Variants in TRIM62 observed in about 807,000 individuals in gnomAD.
TRIM62 encodes the protein tripartite motif containing 62.
Under a neutral mutation model 44.2 loss-of-function variants are expected in TRIM62, and 39 were observed. The observed-to-expected ratio is 0.88, with a 90% CI of 0.68 to 1.15. The LOEUF is 1.15. Ranked by LOEUF, TRIM62 falls within the 50% of genes most tolerant of loss-of-function variation. The pLI is 0.00. For missense variants in TRIM62, 544 were observed against 665.5 expected (o/e 0.82, Z 2.01); for synonymous variants, 278 against 292.3 (o/e 0.95, Z 0.50).
chr1:33,158,306 G>C lies in TRIM62; in HGVS notation c.824C>G (p.Thr275Arg). Residue 275 changes from threonine to arginine, a missense_variant, in exon 4 of 5, where the codon ACA (threonine) becomes AGA (arginine). Coordinates refer to ENST00000291416, the MANE Select transcript of TRIM62 (RefSeq NM_018207.3). ...CCAGATGGTGTACTGCAGGGGGCCT[G>C]TGTACTTGGAGGTCGGGAAGTCTTC... ...TYEDFPTSKY[T>R]GPLQYTIWKS... 1 of 1,614,028 alleles carries C rather than the reference G, an allele frequency of 6.2e-7. No homozygotes were observed. The highest frequency in any genetic ancestry group is 1.3e-5 in the African/African-American group (1 of 75,060).
intron 4 of TRIM62, among the ~76,000 whole-genome samples, chr1:33,157,573 A>C (rs1408993409): frequency 6.6e-6 from 1 of 152,104 alleles, no homozygotes; most frequent in African/African-American, 2.4e-5. Context: ...CCTAGGATGT[A>C]AGATGCGTGA....
chr1:33,147,453 G>A lies in TRIM62; in HGVS notation c.1152C>T (p.Arg384=), dbSNP rs116317048. 7.5e-4 allele frequency: 1,215 copies of A among 1,613,944 alleles called. 16 individuals are homozygous for A. In the East Asian group the frequency reaches 0.021, roughly 28 times the overall value. Residue 384 remains arginine (R), a synonymous_variant, in exon 5 of 5, where the codon CGC becomes CGT. Transcript: ENST00000291416. This position sits in a 1 kb window ranked among gnomAD's most constrained non-coding sequence, Gnocchi z 8.1. ...CGTGCATCACGATGCAGTAGAAGCCGCGGCTGGGCTGGATCTGGATGCTGC... is the reference window on the plus strand; with the variant it reads ...CGTGCATCACGATGCAGTAGAAGCCACGGCTGGGCTGGATCTGGATGCTGC... ...RKGSIQIQPS[R]GFYCIVMHDG... is the part of the protein sequence containing the mutation.
chr1:33,176,855 A>T (rs778791837), intron 1 of TRIM62, among the ~76,000 whole-genome samples: 8 of 152,212 alleles, frequency 5.3e-5, no homozygotes, highest in Non-Finnish European at 1.2e-4. Context: ...GGGTGCTATG[A>T]AGATTAAATG....
Position 33,145,405 on chromosome 1 carries a change from C to T in TRIM62, c.*1772G>A, listed in dbSNP as rs1222075546. 2 of 161,362 alleles carry T rather than the reference C, an allele frequency of 1.2e-5. No homozygotes were observed. Among genetic ancestry groups the T allele is most frequent in the Non-Finnish European group, 2.7e-5 (2 of 73,354 alleles). The allele number at this position is 161,362 out of a possible 1,614,324, so 10.0% of individuals were successfully genotyped here. On this transcript the variant is annotated 3_prime_UTR_variant, in exon 5 of 5. Transcript: ENST00000291416. ...CAAAATGAATGGAACTGGCTACTGA[C>T]ATCTGTAACTTTAATTTAATACAAA...
chr1:33,147,471 G>A lies in TRIM62; in HGVS notation c.1134C>T (p.Ile378=), dbSNP rs370658831. 4 of 1,613,854 alleles carry A rather than the reference G, an allele frequency of 2.5e-6. No homozygotes were observed. The South Asian group carries it at 3.3e-5, about 13-fold the overall frequency. The change falls in exon 5 of 5, where the codon ATC becomes ATT. Residue 378 remains isoleucine (I), a synonymous_variant. Transcript: ENST00000291416. The surrounding 1 kb of genome is among the most constrained non-coding windows in gnomAD (Gnocchi z 8.1). The part of the protein sequence containing the change: ...AHEAASRKGS[I]QIQPSRGFYC... Reference sequence around the variant, plus strand: ...AGAAGCCGCGGCTGGGCTGGATCTGGATGCTGCCCTTGCGGCTTGCGGCTT... The same window carrying A: ...AGAAGCCGCGGCTGGGCTGGATCTGAATGCTGCCCTTGCGGCTTGCGGCTT...
At position 33,147,761 on chromosome 1, in the gene TRIM62, G is replaced by T. The variant is rs867308816; in HGVS notation, c.878-34C>A. 19 of 1,590,864 alleles carry T rather than the reference G, an allele frequency of 1.2e-5. No individual in the cohort carries two copies. The Middle Eastern group carries it at 6.8e-4, about 57-fold the overall frequency. Reference sequence around the variant, plus strand: ...GTTGGAGGAGGGAGAGAAGATGAGTGGGGAGAAGGCTGTGGACCCACCATG... The same window carrying T: ...GTTGGAGGAGGGAGAGAAGATGAGTTGGGAGAAGGCTGTGGACCCACCATG... On this transcript the variant is annotated intron_variant, in intron 4 of 4. Coordinates refer to ENST00000291416, the MANE Select transcript of TRIM62 (RefSeq NM_018207.3). This position sits in a 1 kb window ranked among gnomAD's most constrained non-coding sequence, Gnocchi z 8.1.
intron 3 of TRIM62, among the ~76,000 whole-genome samples, chr1:33,158,907 C>G (rs963048441): frequency 5.3e-5 from 8 of 151,752 alleles, no homozygotes; most frequent in African/African-American, 1.9e-4. Context: ...ATGGCGCGAT[C>G]TCAGCTCACT....
chr1:33,173,135 C>T (rs587042), intron 1 of TRIM62, among the ~76,000 whole-genome samples: 149,308 of 152,224 alleles, frequency 0.98, 73,273 homozygotes, highest in Middle Eastern at 1. Flanking sequence ...TACCTAGAAC[C>T]GGATGCTCCT....
At position 33,158,312 on chromosome 1, in the gene TRIM62, T is replaced by G; in HGVS notation, c.818A>C (p.Lys273Thr). The change falls in exon 4 of 5, where the codon AAG (lysine) becomes ACG (threonine). Residue 273 changes from lysine to threonine, a missense_variant. Coordinates refer to ENST00000291416, the MANE Select transcript of TRIM62 (RefSeq NM_018207.3). ...GGTGTACTGCAGGGGGCCTGTGTAC[T>G]TGGAGGTCGGGAAGTCTTCATATGT... ...NLTYEDFPTS[K>T]YTGPLQYTIW... 3.7e-6 allele frequency: 6 copies of G among 1,614,040 alleles called. No homozygotes were observed. Among genetic ancestry groups the G allele is most frequent in the Non-Finnish European group, 5.1e-6 (6 of 1,179,936 alleles).
intron 2 of TRIM62, among the ~76,000 whole-genome samples, chr1:33,162,390 C>T (rs1027546464): frequency 1.3e-5 from 2 of 152,224 alleles, no homozygotes; most frequent in African/African-American, 2.4e-5. Flanking sequence ...AGATAACTTT[C>T]CTCTCTTTCA....
chr1:33,162,964 G>A (rs553627788), intron 2 of TRIM62: 1 of 152,252 alleles, frequency 6.6e-6, no homozygotes, highest in East Asian at 1.9e-4. Context: ...TTGCCTCACT[G>A]ATAAGATTGA....
chr1:33,162,415 C>T (rs1645280587), intron 2 of TRIM62, among the ~76,000 whole-genome samples: 1 of 152,204 alleles, frequency 6.6e-6, no homozygotes, highest in African/African-American at 2.4e-5. Context: ...CTTGGATGTT[C>T]CCAGAGCCTT....
chr1:33,174,960 T>TAC lies in TRIM62; in HGVS notation c.408+6064_408+6065insGT, dbSNP rs1557762422. On this transcript the variant is annotated intron_variant, in intron 1 of 4. Transcript: ENST00000291416. ...ATATATGTGTGTATATATATATATATATATATATACACACATATACATATA... is the reference window on the plus strand; with the variant it reads ...ATATATGTGTGTATATATATATATATACATATATATACACACATATACATATA... Among the ~76,000 whole-genome samples the TAC allele has an allele frequency of 3.0e-3, 426 of 140,264 alleles. 5 individuals are homozygous for TAC. The highest frequency in any genetic ancestry group is 0.012 in the African/African-American group (403 of 34,754). The allele number at this position is 140,264 out of a possible 152,430, so 92.0% of individuals were successfully genotyped here.
chr1:33,175,590 A>G (rs1645413058), intron 1 of TRIM62, among the ~76,000 whole-genome samples: 1 of 152,166 alleles, frequency 6.6e-6, no homozygotes, highest in Non-Finnish European at 1.5e-5. Context: ...TCCCTGGGAC[A>G]GTTGGCGTGT....
rs1645317190 is a variant in TRIM62 at position 33,165,360 on chromosome 1, A to G, written c.504+111T>C. Reference sequence around the variant, plus strand: ...ACTCCAGGTTTGGCTCCTTGAAGCCAGGTTTCCACCGCACACCCGAGGCCC... The same window carrying G: ...ACTCCAGGTTTGGCTCCTTGAAGCCGGGTTTCCACCGCACACCCGAGGCCC... On this transcript the variant is annotated intron_variant, in intron 2 of 4. Transcript: ENST00000291416. The surrounding 1 kb of genome is among the most constrained non-coding windows in gnomAD (Gnocchi z 4.0). The G allele has an allele frequency of 9.8e-7, 1 of 1,020,262 alleles. No individual in the cohort carries two copies. The highest frequency in any genetic ancestry group is 1.6e-5 in the African/African-American group (1 of 61,916). The allele number at this position is 1,020,262 out of a possible 1,614,324, so 63.2% of individuals were successfully genotyped here. A position where few individuals can be genotyped will look rare whatever the true frequency, so the allele number is the denominator to read the frequency against.
At chr1:33,154,179 G>C (rs933079279) in intron 4 of TRIM62, among the ~76,000 whole-genome samples, 2 of 152,220 alleles carry the variant, frequency 1.3e-5, no homozygotes, top group Non-Finnish European at 2.9e-5. Flanking sequence ...TCTAAAGATG[G>C]GCCGGGTGTG....
chr1:33,165,472 T>A lies in TRIM62; in HGVS notation c.503A>T (p.Lys168Met), dbSNP rs754333280. ...QLLKRQLAETKSSTKSLRTTI... is the reference protein window; with the variant it reads ...QLLKRQLAETMSSTKSLRTTI... ...CCTCCGCGCCCCGGCCAGGCTCACC[T>A]TGGTCTCCGCCAGTTGTCGCTTGAG... The change falls in exon 2 of 5, where the codon AAG becomes ATG. Residue 168 changes from lysine (K) to methionine (M), a missense_variant and splice_region_variant. By Grantham distance (95) the Lys-to-Met change is moderately conservative. Coordinates refer to ENST00000291416, the MANE Select transcript of TRIM62 (RefSeq NM_018207.3). This position sits in a 1 kb window ranked among gnomAD's most constrained non-coding sequence, Gnocchi z 4.0. The A allele has an allele frequency of 4.4e-6, 7 of 1,599,320 alleles. No individual in the cohort carries two copies. The South Asian group carries it at 7.9e-5, about 18-fold the overall frequency.
intron 1 of TRIM62, among the ~76,000 whole-genome samples, chr1:33,175,206 A>AT (rs541492582): frequency 0.019 from 2,725 of 142,556 alleles, 39 homozygotes; most frequent in Middle Eastern, 0.032. Context: ...TGCCCAGCTA[A>AT]TTTTTTTTTT....
Position 33,165,692 on chromosome 1 carries a change from G to A in TRIM62, c.409-126C>T, listed in dbSNP as rs558013068. 7.2e-4 allele frequency: 520 copies of A among 722,334 alleles called. 3 individuals are homozygous for A. The highest frequency in any genetic ancestry group is 1.2e-3 in the South Asian group (52 of 42,606). 44.7% of individuals were successfully genotyped at this position (722,334 alleles called of 1,614,324 possible). A position where few individuals can be genotyped will look rare whatever the true frequency, so the allele number is the denominator to read the frequency against. On this transcript the variant is annotated intron_variant, in intron 1 of 4. Coordinates refer to ENST00000291416, the MANE Select transcript of TRIM62 (RefSeq NM_018207.3). The surrounding 1 kb of genome is among the most constrained non-coding windows in gnomAD (Gnocchi z 4.0). ...CCCCAACCTCCAACACTTGCCTCCCGTCACAGTTCAACCACCAGCAAGTCC... is the reference window on the plus strand; with the variant it reads ...CCCCAACCTCCAACACTTGCCTCCCATCACAGTTCAACCACCAGCAAGTCC...
Sources: allele counts gnomAD v4.1 joint callset (sites outside exome capture counted in the v4.1 genomes callset), GRCh38; gene constraint gnomAD v4.1.1; non-coding constraint Gnocchi (gnomAD v3.1); transcripts MANE v1.5; gene names NCBI Gene and HGNC (gene_info 2026-07-23, HGNC 2026-07-21).